Variants in UTRN observed in about 807,000 individuals in gnomAD.
UTRN encodes the protein dystrophin-related protein 1.
A neutral mutation model predicts 463.9 loss-of-function variants in UTRN; 283 were observed. That is an observed-to-expected ratio of 0.61 (90% CI 0.55 to 0.67). The LOEUF is 0.67. Ranked by LOEUF, UTRN falls within the 30% of genes least tolerant of loss-of-function variation. The pLI, the probability that UTRN is intolerant of heterozygous loss-of-function variation, is 0.00. For synonymous variants in UTRN, 1,442 were observed against 1,431.5 expected (o/e 1.01, Z -0.17); for missense variants, 3,922 against 4,084.3 (o/e 0.96, Z 1.08).
chr6:144,420,765 C>T (rs1159467850), intron 3 of UTRN, among the ~76,000 whole-genome samples: 1 of 152,160 alleles, frequency 6.6e-6, no homozygotes, highest in East Asian at 1.9e-4. Flanking sequence ...CACGTACTCC[C>T]ATAATGGAAA....
chr6:144,851,451 A>ACT lies in UTRN; in HGVS notation c.*457_*458dup, dbSNP rs1455046674. On this transcript the variant is annotated 3_prime_UTR_variant, in exon 75 of 75. Coordinates refer to ENST00000367545, the MANE Select transcript of UTRN (RefSeq NM_007124.3). The stretch of plus-strand genomic sequence containing the variant: ...GCACAATTACTTCATTTTTTCTTTG[A>ACT]CTCTTTTACCACAATGTTTTGGTTA... 6.4e-6 allele frequency: 1 copy of ACT among 156,620 alleles called. No individual in the cohort carries two copies. Among genetic ancestry groups the ACT allele is most frequent in the Non-Finnish European group, 1.4e-5 (1 of 70,860 alleles). The allele number at this position is 156,620 out of a possible 1,614,324, so 9.7% of individuals were successfully genotyped here.
Position 144,827,696 on chromosome 6 carries a change from G to A in UTRN, c.9599+20G>A. 1 of 1,611,082 alleles carries A rather than the reference G, an allele frequency of 6.2e-7. No homozygotes were observed. Among genetic ancestry groups the A allele is most frequent in the Non-Finnish European group, 8.5e-7 (1 of 1,177,842 alleles). Reference sequence around the variant, plus strand: ...CACACGGTAAGAAACTTTGATCAGAGCCCTCCACTGCACTGCCACCCAGAA... The same window carrying A: ...CACACGGTAAGAAACTTTGATCAGAACCCTCCACTGCACTGCCACCCAGAA... On this transcript the variant is annotated intron_variant, in intron 68 of 74. Transcript: ENST00000367545.
At chr6:144,704,436 A>G (rs1254786968) in intron 53 of UTRN, among the ~76,000 whole-genome samples, 3 of 152,232 alleles carry the variant, frequency 2.0e-5, no homozygotes, top group African/African-American at 7.2e-5. Flanking sequence ...CACAGAATTT[A>G]TACAAAAAAC....
At chr6:144,457,872 A>G (rs1273438691) in intron 19 of UTRN, among the ~76,000 whole-genome samples, 3 of 152,082 alleles carry the variant, frequency 2.0e-5, no homozygotes, top group African/African-American at 7.2e-5. Flanking sequence ...TTGCTTTCCT[A>G]CTCAATAAAA....
intron 3 of UTRN, among the ~76,000 whole-genome samples, chr6:144,418,185 A>G (rs1332644326): frequency 6.6e-6 from 1 of 150,644 alleles, no homozygotes; most frequent in Non-Finnish European, 1.5e-5. Context: ...GGACATCCAT[A>G]ATTATTTATA....
intron 2 of UTRN, among the ~76,000 whole-genome samples, chr6:144,348,622 G>A (rs1777810632): frequency 1.3e-5 from 2 of 152,178 alleles, no homozygotes; most frequent in South Asian, 4.1e-4. Flanking sequence ...GAGAAAAAGA[G>A]TAGAAAGAGC....
chr6:144,839,848 C>A lies in UTRN; in HGVS notation c.10177+564C>A, dbSNP rs545599648. On this transcript the variant is annotated intron_variant, in intron 72 of 74. Coordinates refer to ENST00000367545, the MANE Select transcript of UTRN (RefSeq NM_007124.3). ...GTGTTAACCAATGACATTTTGTTATCAATTAAATTAAAATTCTAGAATTTT... is the reference window on the plus strand; with the variant it reads ...GTGTTAACCAATGACATTTTGTTATAAATTAAATTAAAATTCTAGAATTTT... Among the ~76,000 whole-genome samples, 9 of 152,128 alleles carry A rather than the reference C, an allele frequency of 5.9e-5. No homozygotes were observed. The South Asian group carries it at 1.0e-3, about 18-fold the overall frequency.
intron 51 of UTRN, among the ~76,000 whole-genome samples, chr6:144,600,758 A>G (rs150571545): frequency 1.1e-4 from 17 of 152,346 alleles, no homozygotes; most frequent in African/African-American, 3.6e-4. Flanking sequence ...CTAAACAACA[A>G]ATTTTCAATG....
chr6:144,638,732 A>C (rs1376841842), intron 51 of UTRN, among the ~76,000 whole-genome samples: 1 of 152,214 alleles, frequency 6.6e-6, no homozygotes, highest in Non-Finnish European at 1.5e-5. Flanking sequence ...AGTTGCACAC[A>C]TACTTTATGT....
At chr6:144,308,296 A>T (rs1025166500) in intron 2 of UTRN, among the ~76,000 whole-genome samples, 1 of 152,122 alleles carries the variant, frequency 6.6e-6, no homozygotes, top group African/African-American at 2.4e-5. Flanking sequence ...TGGCTAGACC[A>T]GGTCATTGTT....
chr6:144,497,481 C>G (rs938712805), intron 33 of UTRN, among the ~76,000 whole-genome samples: 11 of 148,598 alleles, frequency 7.4e-5, no homozygotes, highest in African/African-American at 2.5e-4. Flanking sequence ...TTGAGACCAG[C>G]CTGGTCAACA....
chr6:144,760,239 T>C (rs553457559), intron 58 of UTRN, among the ~76,000 whole-genome samples: 1 of 152,224 alleles, frequency 6.6e-6, no homozygotes, highest in East Asian at 1.9e-4. Context: ...GGGGCAGAGT[T>C]CTTATGGGGC....
intron 51 of UTRN, among the ~76,000 whole-genome samples, chr6:144,647,551 C>G (rs566783109): frequency 3.9e-5 from 6 of 152,176 alleles, no homozygotes; most frequent in Non-Finnish European, 8.8e-5. Flanking sequence ...GAGTTGGCGA[C>G]AAATCATTGT....
intron 65 of UTRN, among the ~76,000 whole-genome samples, chr6:144,803,862 A>C (rs1777914260): frequency 6.6e-6 from 1 of 152,132 alleles, no homozygotes; most frequent in Admixed American, 6.5e-5. Flanking sequence ...ATTTCAGTCA[A>C]TGAATATGGG....
intron 69 of UTRN, among the ~76,000 whole-genome samples, chr6:144,834,423 G>A (rs1429337595): frequency 1.3e-5 from 2 of 152,164 alleles, no homozygotes; most frequent in East Asian, 3.9e-4. Context: ...TGTTTGACAA[G>A]CATAATACCA....
chr6:144,372,293 C>A (rs1206714006), intron 2 of UTRN, among the ~76,000 whole-genome samples: 4 of 152,188 alleles, frequency 2.6e-5, no homozygotes, highest in Admixed American at 2.6e-4. Context: ...TGCTCCAGTT[C>A]TTATTAGTTG....
chr6:144,596,118 A>G (rs1803617331), intron 51 of UTRN, among the ~76,000 whole-genome samples: 1 of 152,170 alleles, frequency 6.6e-6, no homozygotes, highest in South Asian at 2.1e-4. Flanking sequence ...TATAAACCAA[A>G]ATTTCAGGAA....
At chr6:144,406,676 A>G (rs1397300986) in intron 3 of UTRN, among the ~76,000 whole-genome samples, 1 of 151,764 alleles carries the variant, frequency 6.6e-6, no homozygotes, top group Non-Finnish European at 1.5e-5. Flanking sequence ...CTCCCCTTCC[A>G]TTTTCAAGAG....
intron 3 of UTRN, 51 bp downstream of exon 3, chr6:144,403,235 G>A (rs2114797285): frequency 6.5e-7 from 1 of 1,550,242 alleles, no homozygotes; most frequent in Non-Finnish European, 8.9e-7. Flanking sequence ...CATTCTGATT[G>A]AAGGAGTTTG....
Sources: gnomAD v4.1 joint callset for allele counts (sites outside exome capture counted in the v4.1 genomes callset) on GRCh38, gnomAD v4.1.1 for gene constraint, MANE v1.5 for transcripts, NCBI Gene and HGNC (gene_info 2026-07-23, HGNC 2026-07-21) for gene names.